The following TFG variants were observed in gnomAD, a reference collection of about 807,000 sequenced individuals.
The protein encoded by TFG is protein TFG.
Under a neutral mutation model 51.4 loss-of-function variants are expected in TFG, and 22 were observed. The observed-to-expected ratio is 0.43, with a 90% CI of 0.31 to 0.61. The LOEUF (loss-of-function observed/expected upper bound fraction) is 0.61. TFG is among the 20% of genes least tolerant of loss of function. The pLI is 0.12. For missense variants in TFG, 419 were observed against 487.7 expected, an observed-to-expected ratio of 0.86 and a Z score of 1.33; for synonymous variants, 187 against 165.6, an observed-to-expected ratio of 1.13 and a Z score of -0.99.
chr3:100,716,271 G>T (rs545704871), intron 2 of TFG, among the ~76,000 whole-genome samples: 39 of 152,142 alleles, frequency 2.6e-4, no homozygotes, highest in African/African-American at 9.2e-4. Context: ...ACTTGTATAA[G>T]ATCAACTTTT....
chr3:100,740,327 A>G (rs1019687898), intron 6 of TFG, among the ~76,000 whole-genome samples: 3 of 152,198 alleles, frequency 2.0e-5, no homozygotes, highest in Non-Finnish European at 2.9e-5. Flanking sequence ...CTGGGGTTAT[A>G]GTCATCTGAA....
chr3:100,737,147 T>A (rs2095108850), intron 6 of TFG, among the ~76,000 whole-genome samples: 1 of 152,210 alleles, frequency 6.6e-6, no homozygotes, highest in Non-Finnish European at 1.5e-5. Flanking sequence ...AGTGGGTTTT[T>A]TTTGTTAAGA....
At chr3:100,717,537 G>T (rs776763646) in intron 2 of TFG, among the ~76,000 whole-genome samples, 17 of 150,618 alleles carry the variant, frequency 1.1e-4, no homozygotes, top group Non-Finnish European at 2.4e-4. Context: ...ATAAGCATGG[G>T]ATGTCATTAC....
intron 6 of TFG, among the ~76,000 whole-genome samples, chr3:100,738,600 A>G (rs753789196): frequency 1.4e-4 from 22 of 152,184 alleles, no homozygotes; most frequent in Non-Finnish European, 3.1e-4. Context: ...CAGCAACCAA[A>G]TTCCTTTTTT....
chr3:100,719,872 T>C (rs1425511599), intron 2 of TFG, 103 bp from the exon 3 acceptor site: 1 of 657,100 alleles, frequency 1.5e-6, no homozygotes, highest in Non-Finnish European at 2.6e-6. Context: ...AACTATGTTC[T>C]ACAATCTACA....
intron 2 of TFG, among the ~76,000 whole-genome samples, chr3:100,718,985 G>C (rs1467094877): frequency 3.3e-5 from 5 of 152,188 alleles, no homozygotes; most frequent in African/African-American, 1.2e-4. Flanking sequence ...AAGAAAAAAA[G>C]AACAGGAAGT....
intron 3 of TFG, among the ~76,000 whole-genome samples, chr3:100,722,478 A>G (rs1046258007): frequency 2.6e-5 from 4 of 152,212 alleles, no homozygotes; most frequent in African/African-American, 9.6e-5. Context: ...TAATGACTAA[A>G]GAAATTTTCA....
chr3:100,711,578 A>G (rs985573266), intron 1 of TFG, among the ~76,000 whole-genome samples: 6 of 152,122 alleles, frequency 3.9e-5, no homozygotes, highest in Admixed American at 6.6e-5. Context: ...AAACTGATCT[A>G]TATTACAGCT....
At chr3:100,722,642 A>G (rs1410133935) in intron 3 of TFG, among the ~76,000 whole-genome samples, 1 of 152,214 alleles carries the variant, frequency 6.6e-6, no homozygotes, top group African/African-American at 2.4e-5. Context: ...AGAGAGAATA[A>G]GACTGATCAC....
chr3:100,736,452 C>A, intron 5 of TFG, 124 bp from the exon 6 acceptor site: 11 of 984,746 alleles, frequency 1.1e-5, no homozygotes, highest in Admixed American at 2.6e-5. Context: ...TGTAAAAAGG[C>A]GTATTTGTGG....
At chr3:100,744,700 G>T (rs2095130250) in intron 6 of TFG, 133 bp from the exon 7 acceptor site, 2 of 571,734 alleles carry the variant, frequency 3.5e-6, no homozygotes, top group Non-Finnish European at 6.4e-6. Context: ...GACATTTAAA[G>T]TTGAACAAAT....
Position 100,748,379 on chromosome 3 carries a change from C to G in TFG, c.1051C>G (p.Pro351Ala). 3 of 1,614,136 alleles carry G rather than the reference C, an allele frequency of 1.9e-6. No individual in the cohort carries two copies. The highest frequency in any genetic ancestry group is 2.5e-6 in the Non-Finnish European group (3 of 1,179,998). The change falls in exon 8 of 8, where the codon CCA becomes GCA. Residue 351 changes from proline (P) to alanine (A), a missense_variant. Physicochemically the swap from Pro to Ala is conservative, Grantham distance 27. Transcript: ENST00000240851. ...TCCTGCCTCTCAACCTGGAATGGCTCCAAGCCAACCTGGGGCCTATCAACC... is the reference window on the plus strand; with the variant it reads ...TCCTGCCTCTCAACCTGGAATGGCTGCAAGCCAACCTGGGGCCTATCAACC... Reference protein sequence around the residue: ...VAPASQPGMAPSQPGAYQPRP... With the variant: ...VAPASQPGMAASQPGAYQPRP...
chr3:100,710,523 T>G (rs2095027705), intron 1 of TFG, among the ~76,000 whole-genome samples: 1 of 152,200 alleles, frequency 6.6e-6, no homozygotes, highest in African/African-American at 2.4e-5. Flanking sequence ...TAGTATTTCT[T>G]GAAGGAAACT....
intron 1 of TFG, among the ~76,000 whole-genome samples, chr3:100,713,314 A>C (rs1035264003): frequency 2.6e-5 from 4 of 152,132 alleles, no homozygotes; most frequent in African/African-American, 9.7e-5. Flanking sequence ...GTCTTATACA[A>C]CTCGAAGGAA....
intron 2 of TFG, among the ~76,000 whole-genome samples, chr3:100,718,132 G>A (rs1025625224): frequency 1.6e-4 from 24 of 152,082 alleles, no homozygotes; most frequent in Admixed American, 4.6e-4. Flanking sequence ...TCACTGTGTT[G>A]CCCAGGCTGG....
chr3:100,732,126 T>A (rs1295409302), intron 4 of TFG, among the ~76,000 whole-genome samples: 1 of 152,146 alleles, frequency 6.6e-6, no homozygotes, highest in African/African-American at 2.4e-5. Context: ...GTTCCTATAA[T>A]TATTATTTCC....
At chr3:100,742,216 C>T (rs980729710) in intron 6 of TFG, among the ~76,000 whole-genome samples, 1 of 152,006 alleles carries the variant, frequency 6.6e-6, no homozygotes, top group Admixed American at 6.6e-5. Flanking sequence ...TACCGTAAAT[C>T]CTCACTTAAC....
chr3:100,734,108 T>C (rs1223001252), intron 5 of TFG, among the ~76,000 whole-genome samples: 2 of 151,578 alleles, frequency 1.3e-5, no homozygotes, highest in African/African-American at 2.4e-5. Context: ...TGTAGGCTTG[T>C]GGTTTTTGAA....
At chr3:100,724,272 A>T (rs1559711023) in intron 3 of TFG, among the ~76,000 whole-genome samples, 1 of 152,210 alleles carries the variant, frequency 6.6e-6, no homozygotes. Context: ...TAGGATCAAC[A>T]ATTTTGAAAA....
Sources: allele counts gnomAD v4.1 joint callset (sites outside exome capture counted in the v4.1 genomes callset), GRCh38; gene constraint gnomAD v4.1.1; transcripts MANE v1.5; gene names NCBI Gene and HGNC (gene_info 2026-07-23, HGNC 2026-07-21).